PCGF5: variants seen among roughly 807,000 people sequenced by gnomAD.
The protein encoded by PCGF5 is polycomb group RING finger protein 5.
In PCGF5, 9 loss-of-function variants were observed where a neutral mutation model predicts 44.3. The ratio of observed to expected loss-of-function variants is 0.20; its 90% CI spans 0.12 to 0.35. PCGF5 has a LOEUF of 0.35. PCGF5 is among the 10% of genes least tolerant of loss of function. PCGF5 has a pLI of 1.00. For synonymous variants in PCGF5, 95 were observed against 102.5 expected, an observed-to-expected ratio of 0.93 and a Z score of 0.44; for missense variants, 146 against 305.3, an observed-to-expected ratio of 0.48 and a Z score of 3.89.
At chr10:91,272,428 T>C (rs1017587073) in intron 9 of PCGF5, among the ~76,000 whole-genome samples, 3 of 152,100 alleles carry the variant, frequency 2.0e-5, no homozygotes, top group Admixed American at 6.6e-5. Flanking sequence ...TAGGATTGCT[T>C]GAGGCCAGGA....
At chr10:91,221,384 G>A (rs1174080937) in intron 1 of PCGF5, among the ~76,000 whole-genome samples, 2 of 152,180 alleles carry the variant, frequency 1.3e-5, no homozygotes, top group African/African-American at 4.8e-5. Flanking sequence ...AACTTATAGA[G>A]GAGGAAGCCG....
At chr10:91,177,224 A>G (rs1173591059) in intron 1 of PCGF5, among the ~76,000 whole-genome samples, 1 of 152,184 alleles carries the variant, frequency 6.6e-6, no homozygotes, top group Non-Finnish European at 1.5e-5. Context: ...AACAGCGAAT[A>G]TTGGTGAACA....
At chr10:91,157,681 G>A in the PCGF5 span, among the ~76,000 whole-genome samples, 1 of 152,196 alleles carries the variant, frequency 6.6e-6, no homozygotes, top group African/African-American at 2.4e-5. Flanking sequence ...CCAATGGATG[G>A]TGGTGATTGG....
chr10:91,156,679 G>A, the PCGF5 span, among the ~76,000 whole-genome samples: 1 of 152,100 alleles, frequency 6.6e-6, no homozygotes, highest in East Asian at 1.9e-4. Flanking sequence ...GATATGGGGA[G>A]GACCAGGGTG....
At chr10:91,176,362 G>C (rs1273719618) in intron 1 of PCGF5, among the ~76,000 whole-genome samples, 1 of 152,004 alleles carries the variant, frequency 6.6e-6, no homozygotes, top group African/African-American at 2.4e-5. Flanking sequence ...TTCATTTCAA[G>C]TTTGGTGAAT....
In PCGF5 at chr10:91,254,116, A is replaced by G. The variant is rs548207168; in HGVS notation, c.474+2676A>G. Among the ~76,000 whole-genome samples the G allele has an allele frequency of 7.2e-5, 11 of 151,752 alleles. No individual in the cohort carries two copies. The South Asian group carries it at 1.9e-3, about 26-fold the overall frequency. On this transcript the variant is annotated intron_variant, in intron 6 of 9. Coordinates refer to ENST00000336126, the MANE Select transcript of PCGF5 (RefSeq NM_032373.5). Reference sequence around the variant, plus strand: ...TTTTAATAAGTTTATCTCCCATTAAACCCATTAGTAAATCGTCCTTTCAAA... The same window carrying G: ...TTTTAATAAGTTTATCTCCCATTAAGCCCATTAGTAAATCGTCCTTTCAAA...
chr10:91,156,450 T>C, the PCGF5 span, among the ~76,000 whole-genome samples: 3 of 152,150 alleles, frequency 2.0e-5, no homozygotes, highest in Non-Finnish European at 2.9e-5. Flanking sequence ...GGAGATTCCC[T>C]TTCTTAAATT....
chr10:91,241,419 C>A (rs992640199), intron 3 of PCGF5, among the ~76,000 whole-genome samples: 2 of 152,044 alleles, frequency 1.3e-5, no homozygotes, highest in Non-Finnish European at 2.9e-5. Flanking sequence ...TAATCCAAAT[C>A]CCTTTATTCC....
chr10:91,258,209 G>T (rs1012091764), intron 6 of PCGF5, among the ~76,000 whole-genome samples: 1 of 152,116 alleles, frequency 6.6e-6, no homozygotes, highest in African/African-American at 2.4e-5. Flanking sequence ...TTTGGAATTA[G>T]ATCATAGTAA....
chr10:91,265,711 G>T (rs1463468426), intron 8 of PCGF5, among the ~76,000 whole-genome samples: 2 of 152,080 alleles, frequency 1.3e-5, no homozygotes, highest in Non-Finnish European at 2.9e-5. Flanking sequence ...AAGATATTTG[G>T]CTCTTTGCAG....
intron 2 of PCGF5, among the ~76,000 whole-genome samples, chr10:91,233,768 G>A (rs562492311): frequency 6.6e-6 from 1 of 152,112 alleles, no homozygotes; most frequent in Non-Finnish European, 1.5e-5. Flanking sequence ...AGACAAAAAT[G>A]TATATAAAAT....
chr10:91,225,727 T>G (rs1844814058), intron 2 of PCGF5, among the ~76,000 whole-genome samples: 1 of 152,054 alleles, frequency 6.6e-6, no homozygotes, highest in Admixed American at 6.5e-5. Context: ...AATATATATT[T>G]ATACAAATAA....
chr10:91,251,175 A>G, intron 5 of PCGF5, 117 bp from the exon 6 acceptor site: 2 of 754,776 alleles, frequency 2.6e-6, no homozygotes, highest in South Asian at 4.4e-5. Flanking sequence ...GTTCTTCTTC[A>G]AAAACTGTTA....
upstream of PCGF5, among the ~76,000 whole-genome samples, chr10:91,217,726 C>G (rs1056154581): frequency 6.6e-6 from 1 of 152,144 alleles, no homozygotes; most frequent in African/African-American, 2.4e-5. Context: ...TATTTCCCTC[C>G]CTCTCCTCAT....
upstream of PCGF5, among the ~76,000 whole-genome samples, chr10:91,158,956 T>C (rs1008867259): frequency 2.6e-4 from 39 of 152,290 alleles, no homozygotes; most frequent in African/African-American, 9.1e-4. Flanking sequence ...GCTCCCTTTC[T>C]CCCCTGGAAC....
chr10:91,258,152 A>G (rs1845804492), intron 6 of PCGF5, among the ~76,000 whole-genome samples: 1 of 152,140 alleles, frequency 6.6e-6, no homozygotes, highest in African/African-American at 2.4e-5. Flanking sequence ...AAGGTTGCGG[A>G]GTGACTGTGA....
intron 2 of PCGF5, among the ~76,000 whole-genome samples, chr10:91,226,228 T>C (rs374991204): frequency 1.7e-4 from 22 of 125,888 alleles, no homozygotes; most frequent in African/African-American, 6.1e-4. Flanking sequence ...AAACCAGACA[T>C]AGAACCTGCC....
intron 1 of PCGF5, among the ~76,000 whole-genome samples, chr10:91,207,065 CA>C (rs1401614416): frequency 6.6e-6 from 1 of 152,202 alleles, no homozygotes; most frequent in Non-Finnish European, 1.5e-5. Context: ...GTGCTGAGAA[CA>C]TAGCCTCGCC....
upstream of PCGF5, among the ~76,000 whole-genome samples, chr10:91,158,161 C>A (rs61857948): frequency 1.3e-5 from 2 of 152,240 alleles, no homozygotes; most frequent in African/African-American, 4.8e-5. Context: ...CAATGAAAGT[C>A]AAGTAGACTT....
Sources: allele counts gnomAD v4.1 joint callset (sites outside exome capture counted in the v4.1 genomes callset), GRCh38; gene constraint gnomAD v4.1.1; transcripts MANE v1.5; gene names NCBI Gene and HGNC (gene_info 2026-07-23, HGNC 2026-07-21).